NDUFAF1: variants seen among roughly 807,000 people sequenced by gnomAD.
The protein encoded by NDUFAF1 is NADH:ubiquinone oxidoreductase complex assembly factor 1, also known as complex I intermediate-associated protein 30, mitochondrial.
A neutral mutation model predicts 28.7 loss-of-function variants in NDUFAF1; 18 were observed. That is an observed-to-expected ratio of 0.63 (90% CI 0.43 to 0.93). NDUFAF1 has a LOEUF of 0.93. Among genes scored for constraint, NDUFAF1 ranks in the 40% least tolerant of loss-of-function variants. The pLI is 0.00. For synonymous variants in NDUFAF1, 113 were observed against 139.7 expected (o/e 0.81, Z 1.35); for missense variants, 404 against 398.3 (o/e 1.01, Z -0.12).
chr15:41,401,689 G>C (rs1449945168), intron 1 of NDUFAF1, among the ~76,000 whole-genome samples: 1 of 151,772 alleles, frequency 6.6e-6, no homozygotes, highest in Non-Finnish European at 1.5e-5. Flanking sequence ...GCCTCCCAAA[G>C]TGCTGGGATT....
At chr15:41,398,855 T>A (rs2140927272) in intron 1 of NDUFAF1, among the ~76,000 whole-genome samples, 1 of 151,594 alleles carries the variant, frequency 6.6e-6, no homozygotes, top group East Asian at 2.0e-4. Context: ...CTGGGGAGGC[T>A]GAGGCAGGAG....
Position 41,402,171 on chromosome 15 carries a change from T to C in NDUFAF1, c.-109A>G. ...TGTGCCAGAAACTGCTCTAAGTGTT[T>C]CACTGACGGCTCACAACAATCCTGA... is the stretch of plus-strand genomic sequence containing the variant. On this transcript the variant is annotated 5_prime_UTR_variant, in exon 1 of 5. Transcript: ENST00000260361. 2.2e-6 allele frequency: 1 copy of C among 453,678 alleles called. No individual in the cohort carries two copies. The highest frequency in any genetic ancestry group is 4.4e-6 in the Non-Finnish European group (1 of 226,394). The allele number at this position is 453,678 out of a possible 1,614,324, so 28.1% of individuals were successfully genotyped here.
intron 1 of NDUFAF1, among the ~76,000 whole-genome samples, chr15:41,398,307 C>T (rs1194136571): frequency 6.6e-6 from 1 of 151,362 alleles, no homozygotes. Flanking sequence ...GCCTTGACAA[C>T]ATGGTGAAAC....
In NDUFAF1 at chr15:41,402,468, C is replaced by G; in HGVS notation, c.-406G>C. On this transcript the variant is annotated 5_prime_UTR_variant, in exon 1 of 5. Transcript: ENST00000260361. ...TTACCTCCCCGAGCCTATAGTGTAC[C>G]TTCCGCCCAGAAGCCACTTTACCCG... 1 of 391,912 alleles carries G rather than the reference C, an allele frequency of 2.6e-6. No homozygotes were observed. The highest frequency in any genetic ancestry group is 1.8e-5 in the South Asian group (1 of 56,478). The allele number at this position is 391,912 out of a possible 1,614,324, so 24.3% of individuals were successfully genotyped here.
At chr15:41,388,672 T>C in intron 3 of NDUFAF1, 150 bp from the exon 4 acceptor site, 1 of 637,394 alleles carries the variant, frequency 1.6e-6, no homozygotes. Context: ...ATCAAAGATA[T>C]AACTCAGGCC....
In NDUFAF1 at chr15:41,394,098, G is replaced by A. The variant is rs144389309; in HGVS notation, c.759+761C>T. On this transcript the variant is annotated intron_variant, in intron 3 of 4. Transcript: ENST00000260361. The stretch of plus-strand genomic sequence containing the variant: ...GGCTGGAGTGCAATGACACGATCTC[G>A]GCTCACCGAAACCTCCGCCTCCTGG... 3.0e-4 allele frequency: 99 copies of A among 329,534 alleles called. 1 individual carries two copies. Among genetic ancestry groups the A allele is most frequent in the African/African-American group, 1.9e-3 (80 of 41,300 alleles). The allele number at this position is 329,534 out of a possible 1,614,324, so 20.4% of individuals were successfully genotyped here. A position where few individuals can be genotyped will look rare whatever the true frequency, so the allele number is the denominator to read the frequency against.
Position 41,398,479 on chromosome 15 carries a change from G to A in NDUFAF1, c.-81-1339C>T, listed in dbSNP as rs373639295. Among the ~76,000 whole-genome samples the A allele has an allele frequency of 4.6e-4, 65 of 142,778 alleles. No homozygotes were observed. In the South Asian group the frequency reaches 0.015, roughly 33 times the overall value. 93.7% of individuals were successfully genotyped at this position (142,778 alleles called of 152,430 possible). A position where few individuals can be genotyped will look rare whatever the true frequency, so the allele number is the denominator to read the frequency against. The stretch of plus-strand genomic sequence containing the variant: ...AGCCTGGACAAGAGCAAAATTCCAT[G>A]TGAAAAAAAAAAAAAAAGAGACAGG... On this transcript the variant is annotated intron_variant, in intron 1 of 4. Coordinates refer to ENST00000260361, the MANE Select transcript of NDUFAF1 (RefSeq NM_016013.4).
chr15:41,396,373 T>C, intron 2 of NDUFAF1, 114 bp downstream of exon 2: 1 of 1,034,646 alleles, frequency 9.7e-7, no homozygotes, highest in Non-Finnish European at 1.4e-6. Context: ...AGGTGCCAAA[T>C]ATAACATGCC....
At chr15:41,394,382 A>G in intron 3 of NDUFAF1, 1 of 1,288,938 alleles carries the variant, frequency 7.8e-7, no homozygotes, top group Non-Finnish European at 1.0e-6. Context: ...AATGGCAGAA[A>G]CTTCTAAAAA....
In NDUFAF1 at chr15:41,395,041, C is replaced by G; in HGVS notation, c.577G>C (p.Ala193Pro). 6.2e-7 allele frequency: 1 copy of G among 1,613,808 alleles called. No homozygotes were observed. The highest frequency in any genetic ancestry group is 1.7e-5 in the Admixed American group (1 of 59,918). Residue 193 changes from alanine (A) to proline (P), a missense_variant, in exon 3 of 5, where the codon GCT (alanine) becomes CCT (proline). Ala to Pro is a conservative substitution (Grantham distance 27). Coordinates refer to ENST00000260361, the MANE Select transcript of NDUFAF1 (RefSeq NM_016013.4). ...TCGTAAGACATCTTCCTCTCAAAAGCACCCTAAGATATTGAAAGTAAAGTT... is the reference window on the plus strand; with the variant it reads ...TCGTAAGACATCTTCCTCTCAAAAGGACCCTAAGATATTGAAAGTAAAGTT... ...CAMISRIPRG[A>P]FERKMSYDWS...
chr15:41,389,543 A>T (rs1427110247), intron 3 of NDUFAF1, among the ~76,000 whole-genome samples: 2 of 151,920 alleles, frequency 1.3e-5, no homozygotes, highest in Non-Finnish European at 2.9e-5. Flanking sequence ...GGCCAACACA[A>T]TAGGATCAAC....
intron 3 of NDUFAF1, among the ~76,000 whole-genome samples, chr15:41,393,848 G>A (rs2050346747): frequency 6.6e-6 from 1 of 151,890 alleles, no homozygotes; most frequent in Non-Finnish European, 1.5e-5. Context: ...TGGGATTACA[G>A]GCATGAGCCA....
chr15:41,400,331 TG>T, intron 1 of NDUFAF1, among the ~76,000 whole-genome samples: 1 of 146,416 alleles, frequency 6.8e-6, no homozygotes, highest in Middle Eastern at 3.6e-3. Flanking sequence ...ATCACGCCAT[TG>T]CACTCCAGCC....
At chr15:41,390,680 G>A (rs973278258) in intron 3 of NDUFAF1, among the ~76,000 whole-genome samples, 4 of 149,182 alleles carry the variant, frequency 2.7e-5, no homozygotes, top group African/African-American at 9.9e-5. Context: ...AGCAGAGATC[G>A]TGCCACTGCA....
chr15:41,393,522 C>T (rs2050340966), intron 3 of NDUFAF1, among the ~76,000 whole-genome samples: 1 of 151,656 alleles, frequency 6.6e-6, no homozygotes, highest in African/African-American at 2.4e-5. Context: ...CATCTCCTGA[C>T]CTCGTGATCC....
Position 41,387,527 on chromosome 15 carries a change from T to A in NDUFAF1, c.901A>T (p.Ile301Phe), listed in dbSNP as rs759274620. 1.2e-6 allele frequency: 2 copies of A among 1,612,808 alleles called. No individual in the cohort carries two copies. The highest frequency in any genetic ancestry group is 1.7e-5 in the Admixed American group (1 of 59,988). ...DGPFFLEIDF[I>F]GVFTDPAHTE... ...TGAGCTGGATCAGTAAACACGCCAA[T>A]AAAATCTATCTCCAGGAAGAATGGA... The change falls in exon 5 of 5, where the codon ATT becomes TTT. Residue 301 changes from isoleucine (I) to phenylalanine (F), a missense_variant. Physicochemically the swap from Ile to Phe is conservative, Grantham distance 21. Transcript: ENST00000260361.
chr15:41,401,461 G>A (rs2050462658), intron 1 of NDUFAF1, among the ~76,000 whole-genome samples: 1 of 148,402 alleles, frequency 6.7e-6, no homozygotes, highest in Admixed American at 6.7e-5. Flanking sequence ...TTAAGACAGA[G>A]TCCAGCTCTG....
chr15:41,389,872 G>T lies in NDUFAF1; in HGVS notation c.760-1350C>A, dbSNP rs567997473. On this transcript the variant is annotated intron_variant, in intron 3 of 4. Transcript: ENST00000260361. ...GAATATAGCCTATGAAAATAGTTAAGGATGTTTACCTCAGAGTTTGTTCCG... is the reference window on the plus strand; with the variant it reads ...GAATATAGCCTATGAAAATAGTTAATGATGTTTACCTCAGAGTTTGTTCCG... Among the ~76,000 whole-genome samples, 383 of 152,122 alleles carry T rather than the reference G, an allele frequency of 2.5e-3. 2 individuals are homozygous for T. The highest frequency in any genetic ancestry group is 6.4e-3 in the South Asian group (31 of 4,818).
rs1249290631 is a variant in NDUFAF1, at chr15:41,394,974, T to C, written c.644A>G (p.Asp215Gly). ...FNTLYLRVRG[D>G]GRPWMVNIKE... is the part of the protein sequence containing the mutation. ...GATATTCACCATCCAAGGCCGACCA[T>C]CCCCACGTACACGGAGATACAGAGT... The change falls in exon 3 of 5, where the codon GAT becomes GGT. Residue 215 changes from aspartate to glycine, a missense_variant. Transcript: ENST00000260361. 2 of 1,614,018 alleles carry C rather than the reference T, an allele frequency of 1.2e-6. No homozygotes were observed. Among genetic ancestry groups the C allele is most frequent in the Non-Finnish European group, 8.5e-7 (1 of 1,180,016 alleles).
Sources: allele counts gnomAD v4.1 joint callset (sites outside exome capture counted in the v4.1 genomes callset), GRCh38; gene constraint gnomAD v4.1.1; transcripts MANE v1.5; gene names NCBI Gene and HGNC (gene_info 2026-07-23, HGNC 2026-07-21).